The following DOK5 variants were observed in gnomAD, a reference collection of about 807,000 sequenced individuals.
DOK5 encodes docking protein 5.
A neutral mutation model predicts 43.3 loss-of-function variants in DOK5; 27 were observed. The observed-to-expected ratio is 0.62, with a 90% CI of 0.46 to 0.86. The LOEUF (loss-of-function observed/expected upper bound fraction) is 0.86. Among genes scored for constraint, DOK5 ranks in the 40% least tolerant of loss-of-function variants. The probability of loss-of-function intolerance (pLI) is 0.00; values close to 1 mark genes in which losing one functional copy is unlikely to be tolerated. For synonymous variants in DOK5, 146 were observed against 140.1 expected (o/e 1.04, Z -0.30); for missense variants, 373 against 392.9 (o/e 0.95, Z 0.43).
At chr20:54,550,155 C>T (rs1388494471) in intron 1 of DOK5, among the ~76,000 whole-genome samples, 5 of 137,772 alleles carry the variant, frequency 3.6e-5, no homozygotes, top group South Asian at 2.3e-4. Context: ...TCACTCTGGT[C>T]GTTAATTAGA....
At chr20:54,538,247 T>C (rs78350953) in intron 1 of DOK5, among the ~76,000 whole-genome samples, 3,759 of 152,016 alleles carry the variant, frequency 0.025, 150 homozygotes, top group African/African-American at 0.085. Flanking sequence ...CAAGAACCTA[T>C]TGATATTAAG....
At chr20:54,570,549 T>C (rs1433657568) in intron 2 of DOK5, among the ~76,000 whole-genome samples, 2 of 152,236 alleles carry the variant, frequency 1.3e-5, no homozygotes, top group Non-Finnish European at 2.9e-5. Flanking sequence ...AATTACCTTT[T>C]ATGTAGCAGT....
rs1028805290 is a variant in DOK5, at chr20:54,588,677, A to G, written c.290-10A>G. On this transcript the variant is annotated splice_polypyrimidine_tract_variant and intron_variant, in intron 3 of 7. Transcript: ENST00000262593. ...GGGCACACAGTTTAATCTTTTTGAC[A>G]TTTCCACAGATCTTGAGGCTGATGA... 1.9e-6 allele frequency: 3 copies of G among 1,614,054 alleles called. No homozygotes were observed. The highest frequency in any genetic ancestry group is 2.5e-6 in the Non-Finnish European group (3 of 1,179,950).
chr20:54,492,553 A>G (rs1039956901), intron 1 of DOK5, among the ~76,000 whole-genome samples: 4 of 152,168 alleles, frequency 2.6e-5, no homozygotes, highest in African/African-American at 9.7e-5. Context: ...CTGTATTTCT[A>G]AGATAAGTCC....
At position 54,650,543 on chromosome 20, in the gene DOK5, C is replaced by A; in HGVS notation, c.*64C>A. The A allele has an allele frequency of 1.4e-6, 2 of 1,478,142 alleles. No homozygotes were observed. The highest frequency in any genetic ancestry group is 1.2e-5 in the South Asian group (1 of 85,874). 91.6% of individuals were successfully genotyped at this position (1,478,142 alleles called of 1,614,324 possible). ...TCAGCCACAGATTCACCCAGGAGGT[C>A]ACAGAATGACAGCAAGGGAAATGAC... On this transcript the variant is annotated 3_prime_UTR_variant, in exon 8 of 8. Coordinates refer to ENST00000262593, the MANE Select transcript of DOK5 (RefSeq NM_018431.5).
intron 1 of DOK5, among the ~76,000 whole-genome samples, chr20:54,530,030 T>G (rs559086745): frequency 5.3e-5 from 8 of 152,364 alleles, no homozygotes; most frequent in Admixed American, 1.3e-4. Context: ...TTTTTATATA[T>G]TTTAAGTTTA....
intron 1 of DOK5, among the ~76,000 whole-genome samples, chr20:54,501,489 A>C (rs1982605480): frequency 6.9e-6 from 1 of 145,492 alleles, no homozygotes; most frequent in Non-Finnish European, 1.5e-5. Flanking sequence ...AAAAAAAAAA[A>C]AAAGAAGAAA....
intron 1 of DOK5, among the ~76,000 whole-genome samples, chr20:54,489,351 C>T (rs1982070771): frequency 6.6e-6 from 1 of 152,030 alleles, no homozygotes; most frequent in Admixed American, 6.6e-5. Context: ...TCAGAAGCAA[C>T]CACTGTGAAT....
At position 54,605,024 on chromosome 20, in the gene DOK5, T is replaced by TAC. The variant is rs35834800; in HGVS notation, c.600-5343_600-5342dup. Among the ~76,000 whole-genome samples, 618 of 132,276 alleles carry TAC rather than the reference T, an allele frequency of 4.7e-3. 4 individuals carry two copies. Among genetic ancestry groups the TAC allele is most frequent in the East Asian group, 0.019 (98 of 5,030 alleles). The allele number at this position is 132,276 out of a possible 152,430, so 86.8% of individuals were successfully genotyped here. On this transcript the variant is annotated intron_variant, in intron 5 of 7. Coordinates refer to ENST00000262593, the MANE Select transcript of DOK5 (RefSeq NM_018431.5). ...CTCAAAAAAAAAAAATATATATATA[T>TAC]ACACACACACACACACACACACGTA...
intron 1 of DOK5, among the ~76,000 whole-genome samples, chr20:54,554,072 A>C (rs940987807): frequency 6.6e-6 from 1 of 151,860 alleles, no homozygotes; most frequent in Admixed American, 6.6e-5. Flanking sequence ...TATTTTCTTC[A>C]GGATAGTTTT....
At chr20:54,528,441 G>A (rs1478113385) in intron 1 of DOK5, among the ~76,000 whole-genome samples, 2 of 150,176 alleles carry the variant, frequency 1.3e-5, no homozygotes, top group Non-Finnish European at 3.0e-5. Flanking sequence ...TCTTGTATAC[G>A]GCTTCCCACC....
intron 1 of DOK5, among the ~76,000 whole-genome samples, chr20:54,505,231 A>G (rs933312577): frequency 6.6e-6 from 1 of 152,100 alleles, no homozygotes; most frequent in Non-Finnish European, 1.5e-5. Context: ...TTATGATCCA[A>G]AGGCCAAAAT....
intron 6 of DOK5, among the ~76,000 whole-genome samples, chr20:54,629,929 TGAG>T (rs1978484260): frequency 6.6e-6 from 1 of 152,154 alleles, no homozygotes; most frequent in Non-Finnish European, 1.5e-5. Flanking sequence ...GCAGCTGAAA[TGAG>T]GAGAAGAGCA....
intron 6 of DOK5, among the ~76,000 whole-genome samples, chr20:54,630,025 G>C (rs1423605279): frequency 6.6e-6 from 1 of 152,210 alleles, no homozygotes; most frequent in Non-Finnish European, 1.5e-5. Context: ...CTTGGGGAGA[G>C]TTGCGTAGTC....
intron 1 of DOK5, among the ~76,000 whole-genome samples, chr20:54,549,625 T>G (rs550489894): frequency 1.1e-3 from 163 of 152,348 alleles, no homozygotes; most frequent in African/African-American, 3.8e-3. Context: ...TTAACTTGCA[T>G]TCAGCAGCTT....
chr20:54,515,074 G>A (rs747121013), intron 1 of DOK5, among the ~76,000 whole-genome samples: 13 of 151,744 alleles, frequency 8.6e-5, no homozygotes, highest in Non-Finnish European at 1.6e-4. Context: ...GCAATGGTGC[G>A]ATCTTGACTC....
At chr20:54,581,467 CT>C (rs893701821) in intron 2 of DOK5, among the ~76,000 whole-genome samples, 19 of 149,176 alleles carry the variant, frequency 1.3e-4, no homozygotes, top group Admixed American at 2.0e-4. Context: ...TATGTTAAGT[CT>C]TTTTTTTAAC....
At chr20:54,547,790 A>G (rs1465931880) in intron 1 of DOK5, among the ~76,000 whole-genome samples, 2 of 152,228 alleles carry the variant, frequency 1.3e-5, no homozygotes, top group African/African-American at 2.4e-5. Flanking sequence ...CACCCAGCTT[A>G]TTAGAACTGT....
At chr20:54,540,266 C>G (rs141761780) in intron 1 of DOK5, among the ~76,000 whole-genome samples, 1 of 152,178 alleles carries the variant, frequency 6.6e-6, no homozygotes, top group East Asian at 1.9e-4. Flanking sequence ...CCTGGAGTGC[C>G]TTGTTATTTG....
Sources: gnomAD v4.1 joint callset for allele counts (sites outside exome capture counted in the v4.1 genomes callset) on GRCh38, gnomAD v4.1.1 for gene constraint, MANE v1.5 for transcripts, NCBI Gene and HGNC (gene_info 2026-07-23, HGNC 2026-07-21) for gene names.